NEK7: variants seen among roughly 807,000 people sequenced by gnomAD.
NEK7 encodes NIMA related kinase 7, also known as serine/threonine-protein kinase Nek7.
In NEK7, 18 loss-of-function variants were observed where a neutral mutation model predicts 44.6. That is an observed-to-expected ratio of 0.40 (90% CI 0.28 to 0.60). The LOEUF is 0.60. Among genes scored for constraint, NEK7 ranks in the 20% least tolerant of loss-of-function variants. NEK7 has a pLI of 0.38. For synonymous variants in NEK7, 130 were observed against 121.1 expected, an observed-to-expected ratio of 1.07 and a Z score of -0.48; for missense variants, 256 against 366.5, an observed-to-expected ratio of 0.70 and a Z score of 2.46.
intron 5 of NEK7, among the ~76,000 whole-genome samples, chr1:198,268,543 C>A (rs1653730565): frequency 6.6e-6 from 1 of 152,068 alleles, no homozygotes. Context: ...TTTTTGTCTC[C>A]CAACATCCAG....
At chr1:198,175,100 C>T (rs1422124564) in intron 1 of NEK7, among the ~76,000 whole-genome samples, 1 of 152,002 alleles carries the variant, frequency 6.6e-6, no homozygotes, top group African/African-American at 2.4e-5. Flanking sequence ...TTATTGTAAA[C>T]TGTAGTATGT....
intron 9 of NEK7, among the ~76,000 whole-genome samples, chr1:198,300,431 T>C (rs1316183281): frequency 2.0e-5 from 3 of 152,258 alleles, no homozygotes; most frequent in Non-Finnish European, 2.9e-5. Flanking sequence ...TGATGTTTCC[T>C]CTTTCTGAAA....
chr1:198,302,266 A>G (rs1174063279), intron 9 of NEK7, among the ~76,000 whole-genome samples: 1 of 152,112 alleles, frequency 6.6e-6, no homozygotes, highest in Admixed American at 6.5e-5. Flanking sequence ...ATAAACTTTT[A>G]CCTCATAAAT....
chr1:198,161,983 A>G (rs181354569), intron 1 of NEK7, among the ~76,000 whole-genome samples: 222 of 152,174 alleles, frequency 1.5e-3, no homozygotes, highest in Non-Finnish European at 2.6e-3. Flanking sequence ...TTTAGGAAAC[A>G]TTAACTTAGT....
At chr1:198,249,072 G>C (rs1361692307) in intron 2 of NEK7, among the ~76,000 whole-genome samples, 1 of 124,170 alleles carries the variant, frequency 8.1e-6, no homozygotes, top group Non-Finnish European at 1.6e-5. Context: ...CCCAGAGTGT[G>C]ATGTTCCCCT....
At chr1:198,226,864 T>C (rs1666242562) in intron 1 of NEK7, among the ~76,000 whole-genome samples, 1 of 5,636 alleles carries the variant, frequency 1.8e-4, no homozygotes, top group Non-Finnish European at 3.2e-4. Flanking sequence ...TGTCTGATTG[T>C]AGATCTTTTT....
intron 9 of NEK7, among the ~76,000 whole-genome samples, chr1:198,307,781 AGAT>A (rs1295404786): frequency 1.3e-5 from 2 of 152,182 alleles, no homozygotes; most frequent in Non-Finnish European, 2.9e-5. Context: ...ACTGGAACTC[AGAT>A]GATACCTTAA....
Position 198,297,127 on chromosome 1 carries a change from A to G in NEK7, c.685A>G (p.Met229Val). ...IWSLGCLLYE[M>V]AALQSPFYGD... Reference sequence around the variant, plus strand: ...CAGTTTCATTGGGGGCATTTTACAGATGGCTGCATTACAAAGTCCTTTCTA... The same window carrying G: ...CAGTTTCATTGGGGGCATTTTACAGGTGGCTGCATTACAAAGTCCTTTCTA... The change falls in exon 9 of 10, where the codon ATG (methionine) becomes GTG (valine). Residue 229 changes from methionine to valine, a missense_variant and splice_region_variant. By Grantham distance (21) the Met-to-Val change is conservative. This residue lies in a region of NEK7 where 102 missense variants were observed against 205.2 expected (regional missense o/e 0.50). Transcript: ENST00000367385. 6.2e-7 allele frequency: 1 copy of G among 1,601,898 alleles called. No homozygotes were observed. The highest frequency in any genetic ancestry group is 1.3e-5 in the African/African-American group (1 of 74,750).
At chr1:198,250,968 A>G (rs1440236846) in intron 2 of NEK7, among the ~76,000 whole-genome samples, 1 of 152,126 alleles carries the variant, frequency 6.6e-6, no homozygotes, top group African/African-American at 2.4e-5. Context: ...CCGTTTTCAA[A>G]GGGAATGCTT....
intron 2 of NEK7, among the ~76,000 whole-genome samples, chr1:198,246,016 G>A (rs1175351583): frequency 4.6e-5 from 7 of 152,222 alleles, no homozygotes; most frequent in African/African-American, 1.7e-4. Flanking sequence ...CCTAAAAATA[G>A]TTCTTTACTT....
chr1:198,237,376 A>G (rs1307386537), intron 2 of NEK7, among the ~76,000 whole-genome samples: 2 of 151,968 alleles, frequency 1.3e-5, no homozygotes, highest in Admixed American at 1.3e-4. Context: ...TCAAATTTTC[A>G]TGTTTCAACC....
intron 1 of NEK7, among the ~76,000 whole-genome samples, chr1:198,226,997 T>C (rs932686284): frequency 6.6e-6 from 1 of 152,148 alleles, no homozygotes; most frequent in Non-Finnish European, 1.5e-5. Flanking sequence ...TAGGTATATC[T>C]CCTAATGCTA....
intron 1 of NEK7, among the ~76,000 whole-genome samples, chr1:198,188,974 A>G (rs2102762296): frequency 6.6e-6 from 1 of 152,270 alleles, no homozygotes; most frequent in Non-Finnish European, 1.5e-5. Flanking sequence ...ACTATCCTAA[A>G]TCAAGTGCGC....
chr1:198,189,814 A>G (rs1665021923), intron 1 of NEK7, among the ~76,000 whole-genome samples: 1 of 152,188 alleles, frequency 6.6e-6, no homozygotes, highest in Admixed American at 6.5e-5. Flanking sequence ...TGTAATCATT[A>G]TGAATCAAAA....
At chr1:198,172,566 A>T (rs1411714606) in intron 1 of NEK7, among the ~76,000 whole-genome samples, 1 of 152,230 alleles carries the variant, frequency 6.6e-6, no homozygotes, top group Non-Finnish European at 1.5e-5. Flanking sequence ...ATATGTTTGC[A>T]GCTGAACTTT....
At chr1:198,248,533 A>G (rs1347659047) in intron 2 of NEK7, among the ~76,000 whole-genome samples, 5 of 152,208 alleles carry the variant, frequency 3.3e-5, no homozygotes, top group African/African-American at 1.2e-4. Flanking sequence ...AGCATATCTC[A>G]TTCATCTCTA....
At chr1:198,281,686 C>T (rs554652265) in intron 7 of NEK7, among the ~76,000 whole-genome samples, 1 of 151,994 alleles carries the variant, frequency 6.6e-6, no homozygotes, top group Non-Finnish European at 1.5e-5. Context: ...AATCAAGATA[C>T]GATTTTAACT....
chr1:198,206,831 T>A (rs1284172717), intron 1 of NEK7: 1 of 152,166 alleles, frequency 6.6e-6, no homozygotes, highest in Non-Finnish European at 1.5e-5. Flanking sequence ...CCATTCCTAT[T>A]GATTAGTTAA....
chr1:198,176,178 C>T (rs16842503), intron 1 of NEK7, among the ~76,000 whole-genome samples: 2,348 of 151,980 alleles, frequency 0.015, 55 homozygotes, highest in African/African-American at 0.054. Context: ...TCATGTGTGC[C>T]GAAGGTATAA....
Sources: allele counts gnomAD v4.1 joint callset (sites outside exome capture counted in the v4.1 genomes callset), GRCh38; gene constraint gnomAD v4.1.1; regional missense constraint gnomAD v4.1.1; transcripts MANE v1.5; gene names NCBI Gene and HGNC (gene_info 2026-07-23, HGNC 2026-07-21).